SLC35D2: variants seen among roughly 807,000 people sequenced by gnomAD.
The protein encoded by SLC35D2 is nucleotide sugar transporter SLC35D2.
SLC35D2 carries 43 observed loss-of-function variants against 41.8 expected under a neutral mutation model. The ratio of observed to expected loss-of-function variants is 1.03; its 90% CI spans 0.81 to 1.33. SLC35D2 has a LOEUF of 1.33. SLC35D2 is among the 40% of genes most tolerant of loss of function. The pLI is 0.00. For missense variants in SLC35D2, 380 were observed against 408.4 expected (o/e 0.93, Z 0.60); for synonymous variants, 150 against 163.9 (o/e 0.92, Z 0.65).
At chr9:96,358,070 ATTATATATT>A (rs1029398282) in intron 4 of SLC35D2, among the ~76,000 whole-genome samples, 3 of 129,560 alleles carry the variant, frequency 2.3e-5, no homozygotes, top group African/African-American at 5.8e-5. Flanking sequence ...TAAACAAAAT[ATTATATATT>A]TTATATATAT....
chr9:96,372,477 A>C (rs1460371265), intron 1 of SLC35D2, among the ~76,000 whole-genome samples: 2 of 152,130 alleles, frequency 1.3e-5, no homozygotes, highest in African/African-American at 4.8e-5. Flanking sequence ...AAAGAAGAAA[A>C]GAAACTTTTT....
chr9:96,321,268 T>C lies in SLC35D2; in HGVS notation c.988A>G (p.Asn330Asp). The change falls in exon 12 of 12, where the codon AAC (asparagine) becomes GAC (aspartate). Residue 330 changes from asparagine to aspartate, a missense_variant. Coordinates refer to ENST00000253270, the MANE Select transcript of SLC35D2 (RefSeq NM_007001.3). ...QLKPKPVGEE[N>D]ICLDLKS ...TAGCTCTTCAAATCCAAACAGATGT[T>C]TTCTTCACCCACAGGTTTAGGTTTT... 1 of 1,613,906 alleles carries C rather than the reference T, an allele frequency of 6.2e-7. No individual in the cohort carries two copies. Among genetic ancestry groups the C allele is most frequent in the South Asian group, 1.1e-5 (1 of 91,074 alleles).
chr9:96,361,090 A>G (rs1830254699), intron 3 of SLC35D2, among the ~76,000 whole-genome samples: 1 of 152,176 alleles, frequency 6.6e-6, no homozygotes, highest in African/African-American at 2.4e-5. Flanking sequence ...ATATGAAGCA[A>G]CAGGGACTTT....
chr9:96,345,525 G>T, intron 6 of SLC35D2, 124 bp from the exon 7 acceptor site: 1 of 651,090 alleles, frequency 1.5e-6, no homozygotes, highest in Non-Finnish European at 2.7e-6. Flanking sequence ...CCCGCTTTGT[G>T]GTAGTGAATG....
At chr9:96,355,528 C>T (rs1363364449) in intron 4 of SLC35D2, among the ~76,000 whole-genome samples, 1 of 149,878 alleles carries the variant, frequency 6.7e-6, no homozygotes, top group African/African-American at 2.5e-5. Context: ...GACGGAGTTT[C>T]GCTCGTCGCC....
chr9:96,355,826 A>G (rs1830000541), intron 4 of SLC35D2, among the ~76,000 whole-genome samples: 1 of 152,200 alleles, frequency 6.6e-6, no homozygotes, highest in South Asian at 2.1e-4. Flanking sequence ...CAAAAAAAGA[A>G]AGTAATGAAG....
intron 3 of SLC35D2, 25 bp downstream of exon 3, chr9:96,364,433 ATCACAG>A (rs779189046): frequency 9.5e-6 from 12 of 1,256,668 alleles, no homozygotes; most frequent in Non-Finnish European, 1.3e-5. Flanking sequence ...CACATCTTCT[ATCACAG>A]TCATACATAC....
intron 1 of SLC35D2, among the ~76,000 whole-genome samples, chr9:96,381,805 G>A (rs1831209255): frequency 6.6e-6 from 1 of 152,124 alleles, no homozygotes; most frequent in Admixed American, 6.6e-5. Flanking sequence ...GAGAGAAAGA[G>A]CTGACTCCTG....
At chr9:96,350,598 C>T (rs1829773136) in intron 6 of SLC35D2, among the ~76,000 whole-genome samples, 2 of 151,976 alleles carry the variant, frequency 1.3e-5, no homozygotes, top group South Asian at 4.1e-4. Context: ...TTGGAGTCCT[C>T]GTTATTCCTT....
chr9:96,381,711 T>C (rs1479817801), intron 1 of SLC35D2, among the ~76,000 whole-genome samples: 2 of 152,222 alleles, frequency 1.3e-5, no homozygotes, highest in Non-Finnish European at 2.9e-5. Flanking sequence ...TTTTCACTTC[T>C]CTTTCCCAAG....
At chr9:96,339,377 G>A (rs566561677) in intron 8 of SLC35D2, among the ~76,000 whole-genome samples, 4 of 152,128 alleles carry the variant, frequency 2.6e-5, no homozygotes, top group South Asian at 2.1e-4. Flanking sequence ...CCAAAGAGCC[G>A]GGATTACTGG....
At chr9:96,373,901 T>C (rs1261266205) in intron 1 of SLC35D2, 1 of 152,164 alleles carries the variant, frequency 6.6e-6, no homozygotes, top group Non-Finnish European at 1.5e-5. Context: ...GTTAAGTTTG[T>C]TAAAAGTCAA....
intron 1 of SLC35D2, among the ~76,000 whole-genome samples, chr9:96,375,359 C>T (rs953245753): frequency 6.6e-6 from 1 of 151,636 alleles, no homozygotes; most frequent in Non-Finnish European, 1.5e-5. Context: ...GGGTGGATCA[C>T]CTGATGTCAG....
In SLC35D2 at chr9:96,383,387, C is replaced by T. The variant is rs1056470969; in HGVS notation, c.158+90G>A. The T allele has an allele frequency of 6.6e-6, 7 of 1,064,628 alleles. No homozygotes were observed. In the African/African-American group the frequency reaches 1.2e-4, roughly 18 times the overall value. 65.9% of individuals were successfully genotyped at this position (1,064,628 alleles called of 1,614,324 possible). Reference sequence around the variant, plus strand: ...TGAGACTCGAGGGTCCCTGTCCCCACCCGCCCTGTCCCGGGCGCCGCTGAA... The same window carrying T: ...TGAGACTCGAGGGTCCCTGTCCCCATCCGCCCTGTCCCGGGCGCCGCTGAA... On this transcript the variant is annotated intron_variant, in intron 1 of 11. Coordinates refer to ENST00000253270, the MANE Select transcript of SLC35D2 (RefSeq NM_007001.3).
At chr9:96,377,203 G>A (rs140035038) in intron 1 of SLC35D2, among the ~76,000 whole-genome samples, 69 of 152,040 alleles carry the variant, frequency 4.5e-4, no homozygotes, top group African/African-American at 1.4e-3. Flanking sequence ...TCGTGTTACC[G>A]CTGATCATCC....
At chr9:96,376,820 G>T (rs1830982119) in intron 1 of SLC35D2, among the ~76,000 whole-genome samples, 1 of 151,562 alleles carries the variant, frequency 6.6e-6, no homozygotes, top group African/African-American at 2.4e-5. Flanking sequence ...TGGCTGACCA[G>T]GATGGTCTCG....
chr9:96,341,206 G>C (rs2130898601), intron 8 of SLC35D2, among the ~76,000 whole-genome samples: 1 of 152,276 alleles, frequency 6.6e-6, no homozygotes, highest in Middle Eastern at 3.4e-3. Context: ...AGAATTGCTT[G>C]AATGTGGGAG....
At chr9:96,329,438 TG>T (rs1413068160) in intron 9 of SLC35D2, among the ~76,000 whole-genome samples, 4 of 152,122 alleles carry the variant, frequency 2.6e-5, no homozygotes, top group Non-Finnish European at 5.9e-5. Flanking sequence ...TTGCCCAGGC[TG>T]GTCTCAAACT....
chr9:96,319,673 T>C (rs1828142414), downstream of SLC35D2, among the ~76,000 whole-genome samples: 2 of 151,992 alleles, frequency 1.3e-5, no homozygotes, highest in Admixed American at 1.3e-4. Context: ...GCCTGGCTAA[T>C]TTTTTTGTAG....
Sources: allele counts gnomAD v4.1 joint callset (sites outside exome capture counted in the v4.1 genomes callset), GRCh38; gene constraint gnomAD v4.1.1; transcripts MANE v1.5; gene names NCBI Gene and HGNC (gene_info 2026-07-23, HGNC 2026-07-21).